Variants in SLC36A3 observed in about 807,000 individuals in gnomAD.
The protein encoded by SLC36A3 is proton-coupled amino acid transporter 3.
A neutral mutation model predicts 44.3 loss-of-function variants in SLC36A3; 35 were observed. That is an observed-to-expected ratio of 0.79 (90% CI 0.60 to 1.05). SLC36A3 has a LOEUF of 1.05. SLC36A3 is among the 50% of genes least tolerant of loss of function. SLC36A3 has a pLI of 0.00. For missense variants in SLC36A3, 540 were observed against 578.7 expected (o/e 0.93, Z 0.69); for synonymous variants, 211 against 227.6 (o/e 0.93, Z 0.66).
chr5:151,282,111 G>GTTTT (rs70976011), intron 8 of SLC36A3, among the ~76,000 whole-genome samples: 6 of 56,126 alleles, frequency 1.1e-4, no homozygotes, highest in African/African-American at 1.4e-4. Context: ...CTTTTTCTTT[G>GTTTT]TTTTTTTTTT....
At chr5:151,301,827 T>C (rs1248235262) in intron 1 of SLC36A3, among the ~76,000 whole-genome samples, 1 of 152,264 alleles carries the variant, frequency 6.6e-6, no homozygotes, top group East Asian at 1.9e-4. Flanking sequence ...AAATCGTCTC[T>C]GTCTAGGCAG....
Position 151,287,501 on chromosome 5 carries a change from A to G in SLC36A3, c.490-37T>C, listed in dbSNP as rs114221785. ...CACAATGACAGGCAGTGTGGTTGCT[A>G]CGTAAAACACAGGACACCAATTACA... On this transcript the variant is annotated intron_variant, in intron 5 of 9. Transcript: ENST00000335230. 1.0e-3 allele frequency: 1,584 copies of G among 1,587,570 alleles called. 15 individuals are homozygous for G. The African/African-American group carries it at 0.018, about 18-fold the overall frequency.
chr5:151,290,764 G>A (rs1395336398), intron 4 of SLC36A3, among the ~76,000 whole-genome samples: 15 of 151,946 alleles, frequency 9.9e-5, no homozygotes, highest in South Asian at 6.2e-4. Context: ...GCATGGTGGC[G>A]GGCGCCTGTA....
chr5:151,299,921 T>C (rs1197334352), intron 1 of SLC36A3, among the ~76,000 whole-genome samples: 1 of 152,206 alleles, frequency 6.6e-6, no homozygotes, highest in Non-Finnish European at 1.5e-5. Flanking sequence ...ATCATCATCA[T>C]CCTCACTGCC....
chr5:151,282,891 T>TTCTTTC (rs1561629092), intron 8 of SLC36A3, among the ~76,000 whole-genome samples: 73 of 116,610 alleles, frequency 6.3e-4, no homozygotes, highest in African/African-American at 2.8e-3. Context: ...TCTTTCTTTT[T>TTCTTTC]TTTTTTTTTT....
rs78176362 is a variant in SLC36A3 at position 151,277,637 on chromosome 5, C to G, written c.1169G>C (p.Arg390Pro). The change falls in exon 10 of 10, where the codon CGC (arginine) becomes CCC (proline). Residue 390 changes from arginine to proline, a missense_variant. By Grantham distance (103) the Arg-to-Pro change is moderately radical (BLOSUM62 -2). Transcript: ENST00000335230. Reference protein sequence around the residue: ...LTCVSAILIPRLDLVISLVGS... With the variant: ...LTCVSAILIPPLDLVISLVGS... ...TACCAGGGAGATGACCAAGTCCAGG[C>G]GGGGGATGAGGATGGCTGAGACACC... 2 of 1,613,882 alleles carry G rather than the reference C, an allele frequency of 1.2e-6. No individual in the cohort carries two copies. Among genetic ancestry groups the G allele is most frequent in the African/African-American group, 2.7e-5 (2 of 74,878 alleles).
At chr5:151,294,751 T>A (rs1313296150) in intron 3 of SLC36A3, among the ~76,000 whole-genome samples, 1 of 151,970 alleles carries the variant, frequency 6.6e-6, no homozygotes, top group Non-Finnish European at 1.5e-5. Context: ...TGCCTCAGCC[T>A]CCCGAGTAGC....
At chr5:151,291,239 C>G (rs1754749210) in intron 4 of SLC36A3, among the ~76,000 whole-genome samples, 1 of 152,158 alleles carries the variant, frequency 6.6e-6, no homozygotes, top group Admixed American at 6.5e-5. Flanking sequence ...ACCTTGACCT[C>G]TCAAGGTGTT....
Position 151,288,486 on chromosome 5 carries a change from A to G in SLC36A3, c.405-16T>C. ...GACAGTGTACCTGGGAAGGAAAGGA[A>G]GAGGCAGACAGAGGGAGGAAACAAA... On this transcript the variant is annotated splice_polypyrimidine_tract_variant and intron_variant, in intron 4 of 9. Transcript: ENST00000335230. 6.8e-7 allele frequency: 1 copy of G among 1,479,980 alleles called. No individual in the cohort carries two copies. Among genetic ancestry groups the G allele is most frequent in the Non-Finnish European group, 9.2e-7 (1 of 1,092,828 alleles). 91.7% of individuals were successfully genotyped at this position (1,479,980 alleles called of 1,614,324 possible).
chr5:151,284,018 T>A, intron 8 of SLC36A3, 26 bp downstream of exon 8: 1 of 1,590,630 alleles, frequency 6.3e-7, no homozygotes, highest in Admixed American at 1.8e-5. Context: ...TCTCTCCCTA[T>A]CTCACCTGAG....
At chr5:151,296,978 G>T (rs947452404) in intron 2 of SLC36A3, 3 of 152,190 alleles carry the variant, frequency 2.0e-5, no homozygotes, top group African/African-American at 7.2e-5. Flanking sequence ...GATCAGAAGG[G>T]TATAAACGGG....
intron 4 of SLC36A3, among the ~76,000 whole-genome samples, chr5:151,291,903 C>G (rs1207174501): frequency 6.6e-6 from 1 of 152,138 alleles, no homozygotes; most frequent in Non-Finnish European, 1.5e-5. Context: ...CTCTGTCACC[C>G]AGGCTGGAGT....
At chr5:151,278,275 CAA>C (rs1361615736) in intron 9 of SLC36A3, among the ~76,000 whole-genome samples, 2 of 150,572 alleles carry the variant, frequency 1.3e-5, no homozygotes, top group South Asian at 2.4e-4. Context: ...CCATAAAACA[CAA>C]AGACAGCATT....
Position 151,293,378 on chromosome 5 carries a change from A to G in SLC36A3, c.390T>C (p.His130=), listed in dbSNP as rs776468097. The change falls in exon 4 of 10, where the codon CAT becomes CAC. Residue 130 remains histidine (H), a synonymous_variant. Coordinates refer to ENST00000335230, the MANE Select transcript of SLC36A3 (RefSeq NM_181774.4). ...GTGACTACTACCTTCCCCACACTGC[A>G]TGGGCCCTCAGCCAGGTGTTCGGGC... ...ETCPNTWLRA[H]AVWGRYTVSF... The G allele has an allele frequency of 1.9e-6, 3 of 1,613,682 alleles. No homozygotes were observed. The highest frequency in any genetic ancestry group is 2.5e-6 in the Non-Finnish European group (3 of 1,179,710).
At chr5:151,297,890 G>C (rs1275689490) in intron 2 of SLC36A3, 1 of 152,420 alleles carries the variant, frequency 6.6e-6, no homozygotes, top group Non-Finnish European at 1.5e-5. Flanking sequence ...GAACCCGGGA[G>C]GCGGAGGTTG....
chr5:151,301,676 A>G (rs1307173016), intron 1 of SLC36A3, among the ~76,000 whole-genome samples: 2 of 150,490 alleles, frequency 1.3e-5, no homozygotes, highest in Non-Finnish European at 3.0e-5. Flanking sequence ...GCTTGCAGTG[A>G]GCTGAGATCG....
At position 151,284,601 on chromosome 5, in the gene SLC36A3, C is replaced by T; in HGVS notation, c.807+12G>A. 1 of 1,601,534 alleles carries T rather than the reference C, an allele frequency of 6.2e-7. No homozygotes were observed. Among genetic ancestry groups the T allele is most frequent in the Non-Finnish European group, 8.5e-7 (1 of 1,171,700 alleles). ...CGCTAGGGACCATTCGCGTGAACCCCATCAATCTTACCATACCGACGCCTT... is the reference window on the plus strand; with the variant it reads ...CGCTAGGGACCATTCGCGTGAACCCTATCAATCTTACCATACCGACGCCTT... On this transcript the variant is annotated intron_variant, in intron 7 of 9. Transcript: ENST00000335230.
intron 8 of SLC36A3, among the ~76,000 whole-genome samples, chr5:151,282,410 C>A (rs138650573): frequency 3.0e-3 from 464 of 152,230 alleles, no homozygotes; most frequent in African/African-American, 0.01. Context: ...TCAGGTGATA[C>A]GCCCTCCTCG....
Position 151,281,539 on chromosome 5 carries a change from C to T in SLC36A3, c.975-356G>A, listed in dbSNP as rs140004423. Among the ~76,000 whole-genome samples the T allele has an allele frequency of 4.3e-3, 647 of 152,156 alleles. 5 individuals carry two copies. The highest frequency in any genetic ancestry group is 0.015 in the African/African-American group (624 of 41,516). ...TTTTAATTTTTTAAAAGACAATAGC[C>T]GGGCGTGGTGGCTCACGCTTGTAAT... On this transcript the variant is annotated intron_variant, in intron 8 of 9. Transcript: ENST00000335230.
Sources: allele counts gnomAD v4.1 joint callset (sites outside exome capture counted in the v4.1 genomes callset), GRCh38; gene constraint gnomAD v4.1.1; transcripts MANE v1.5; gene names NCBI Gene and HGNC (gene_info 2026-07-23, HGNC 2026-07-21).